Variants in ASMTL observed in about 807,000 individuals in gnomAD.
ASMTL encodes the protein probable bifunctional dTTP/UTP pyrophosphatase/methyltransferase protein.
ASMTL carries 57 observed loss-of-function variants against 60.3 expected under a neutral mutation model. The ratio of observed to expected loss-of-function variants is 0.95; its 90% CI spans 0.76 to 1.18. The LOEUF (loss-of-function observed/expected upper bound fraction) is 1.18, where lower values mean the gene tolerates loss of function less well. Ranked by LOEUF, ASMTL falls within the 50% of genes most tolerant of loss-of-function variation. The pLI is 0.00. For synonymous variants in ASMTL, 419 were observed against 373.0 expected (o/e 1.12, Z -1.42); for missense variants, 981 against 852.6 (o/e 1.15, Z -1.88).
chrX:1,422,427 CGT>C lies in ASMTL; in HGVS notation c.1061-587_1061-586del, dbSNP rs765450451. 1.2e-4 allele frequency among the ~76,000 whole-genome samples: 19 copies of C among 152,212 alleles called. No homozygotes were observed. In the East Asian group the frequency reaches 2.7e-3, roughly 22 times the overall value. ...TTGGACTTGCCAGCCTACACAATCACGTAAGTCCTCAAGATAAATCTCCTAGG... is the reference window on the plus strand; with the variant it reads ...TTGGACTTGCCAGCCTACACAATCACAAGTCCTCAAGATAAATCTCCTAGG... On this transcript the variant is annotated intron_variant, in intron 8 of 12. Transcript: ENST00000381317.
intron 1 of ASMTL, among the ~76,000 whole-genome samples, chrX:1,446,181 C>T (rs1421840589): frequency 6.6e-6 from 1 of 152,146 alleles, no homozygotes; most frequent in African/African-American, 2.4e-5. Context: ...TTCTCTCCTT[C>T]TCCTCTCTCT....
At chrX:1,453,231 A>G (rs1277730597), upstream of ASMTL, among the ~76,000 whole-genome samples, 1 of 129,622 alleles carries the variant, frequency 7.7e-6, no homozygotes, top group East Asian at 2.3e-4. Context: ...GCCGCCATTG[A>G]CCGCTCCGCC....
At chrX:1,442,100 T>G in intron 2 of ASMTL, 86 bp downstream of exon 2, 1 of 1,487,424 alleles carries the variant, frequency 6.7e-7, no homozygotes, top group Non-Finnish European at 9.2e-7. Context: ...ATGACGTTTA[T>G]TTGTGTCATG....
chrX:1,416,675 C>A (rs1369958031), intron 11 of ASMTL, among the ~76,000 whole-genome samples: 1 of 151,898 alleles, frequency 6.6e-6, no homozygotes, highest in African/African-American at 2.4e-5. Flanking sequence ...TGCACACACA[C>A]AAACGCAGAT....
At chrX:1,405,338 GATGGATAGATGGAGGC>G (rs2089779284) in intron 12 of ASMTL, among the ~76,000 whole-genome samples, 1 of 151,666 alleles carries the variant, frequency 6.6e-6, no homozygotes, top group South Asian at 2.1e-4. Context: ...TCGTTAGGTG[GATGGATAGATGGAGGC>G]ATGGATGAGA....
intron 1 of ASMTL, among the ~76,000 whole-genome samples, chrX:1,448,199 CCACCATCTTGGACACA>C (rs1363191331): frequency 6.6e-6 from 1 of 151,564 alleles, no homozygotes; most frequent in Non-Finnish European, 1.5e-5. Context: ...TGGATAAGCA[CCACCATCTTGGACACA>C]CACCATCTTG....
At chrX:1,447,659 C>G (rs5990001) in intron 1 of ASMTL, among the ~76,000 whole-genome samples, 1 of 151,052 alleles carries the variant, frequency 6.6e-6, no homozygotes, top group East Asian at 2.0e-4. Flanking sequence ...CCATCTTGGA[C>G]ACACACCGCC....
intron 12 of ASMTL, among the ~76,000 whole-genome samples, chrX:1,404,154 T>C (rs1242075865): frequency 2.0e-5 from 3 of 147,642 alleles, no homozygotes; most frequent in Non-Finnish European, 4.5e-5. Flanking sequence ...AGATGGTAGA[T>C]GATGGGTACG....
intron 11 of ASMTL, among the ~76,000 whole-genome samples, chrX:1,413,401 G>A (rs2090112014): frequency 6.6e-6 from 1 of 152,204 alleles, no homozygotes; most frequent in African/African-American, 2.4e-5. Context: ...GGCGAGGCAG[G>A]CAGAGTCGGC....
chrX:1,439,021 T>G, intron 3 of ASMTL, 76 bp downstream of exon 3: 69 of 1,481,762 alleles, frequency 4.7e-5, no homozygotes, highest in Non-Finnish European at 6.3e-5. Flanking sequence ...ATGTACAACA[T>G]CCACAAGAGG....
rs762883308 is a variant in ASMTL, at chrX:1,417,968, C to T, written c.1522+5G>A. Reference sequence around the variant, plus strand: ...GTTAGCAGGGTGAACAGGAGGAGGGCTCACCTGCTGCGAAGTGGATCTGCA... The same window carrying T: ...GTTAGCAGGGTGAACAGGAGGAGGGTTCACCTGCTGCGAAGTGGATCTGCA... On this transcript the variant is annotated splice_donor_5th_base_variant and intron_variant, in intron 11 of 12. Coordinates refer to ENST00000381317, the MANE Select transcript of ASMTL (RefSeq NM_004192.4). The T allele has an allele frequency of 1.2e-6, 2 of 1,604,142 alleles. No homozygotes were observed. The highest frequency in any genetic ancestry group is 4.5e-5 in the East Asian group (2 of 44,644).
chrX:1,449,637 A>C (rs1312820417), intron 1 of ASMTL, among the ~76,000 whole-genome samples: 9 of 148,758 alleles, frequency 6.1e-5, no homozygotes, highest in African/African-American at 2.0e-4. Flanking sequence ...TAACTACCTC[A>C]CATCACCAGT....
chrX:1,413,141 TTGTC>T (rs200924341), intron 11 of ASMTL: 4,769 of 427,716 alleles, frequency 0.011, 186 homozygotes, highest in African/African-American at 0.085. Context: ...GGTGGGCAGA[TTGTC>T]TGAGCTCAGG....
At chrX:1,449,029 C>T (rs1371486469) in intron 1 of ASMTL, among the ~76,000 whole-genome samples, 1 of 152,136 alleles carries the variant, frequency 6.6e-6, no homozygotes, top group Non-Finnish European at 1.5e-5. Flanking sequence ...ACATCCCAAG[C>T]CCAAGATAAC....
intron 12 of ASMTL, 100 bp downstream of exon 12, chrX:1,412,632 G>C (rs770732715): frequency 1.3e-6 from 2 of 1,535,936 alleles, no homozygotes; most frequent in African/African-American, 1.4e-5. Context: ...CAAAGCGCTG[G>C]GATGACAGGC....
chrX:1,403,395 A>G lies in ASMTL; in HGVS notation c.1740T>C (p.Thr580=). Residue 580 remains threonine (T), a synonymous_variant, in exon 13 of 13, where the codon ACT becomes ACC. Transcript: ENST00000381317. ...CGCCCAGGCTCCGCTCCTTGCCTTC[A>G]GTCTGCACCAGCATGTTCAGTGACT... ...LMQSLNMLVQ[T]EGKERSLGEY... 1 of 1,613,460 alleles carries G rather than the reference A, an allele frequency of 6.2e-7. No individual in the cohort carries two copies. The highest frequency in any genetic ancestry group is 8.5e-7 in the Non-Finnish European group (1 of 1,179,856).
intron 6 of ASMTL, among the ~76,000 whole-genome samples, chrX:1,430,914 C>A (rs2090755247): frequency 7.2e-6 from 1 of 139,854 alleles, no homozygotes; most frequent in Admixed American, 7.3e-5. Flanking sequence ...TTATATAACA[C>A]ATAATACATT....
chrX:1,441,210 T>C (rs2091098398), intron 2 of ASMTL, among the ~76,000 whole-genome samples: 1 of 152,150 alleles, frequency 6.6e-6, no homozygotes, highest in Admixed American at 6.6e-5. Context: ...CACATAGTAA[T>C]AGATAAGCTA....
chrX:1,423,809 C>T (rs2090539604), intron 8 of ASMTL, among the ~76,000 whole-genome samples: 1 of 151,430 alleles, frequency 6.6e-6, no homozygotes, highest in South Asian at 2.1e-4. Flanking sequence ...CCCAATCATC[C>T]ACCCAGCCAT....
Sources: gnomAD v4.1 joint callset for allele counts (sites outside exome capture counted in the v4.1 genomes callset) on GRCh38, gnomAD v4.1.1 for gene constraint, MANE v1.5 for transcripts, NCBI Gene and HGNC (gene_info 2026-07-23, HGNC 2026-07-21) for gene names.